Variants in GNB4 observed in about 807,000 individuals in gnomAD.
The protein encoded by GNB4 is G protein subunit beta 4.
A neutral mutation model predicts 45.2 loss-of-function variants in GNB4; 28 were observed. The ratio of observed to expected loss-of-function variants is 0.62; its 90% CI spans 0.46 to 0.85. The LOEUF (loss-of-function observed/expected upper bound fraction) is 0.85. Ranked by LOEUF, GNB4 falls within the 40% of genes least tolerant of loss-of-function variation. The pLI is 0.00. For synonymous variants in GNB4, 132 were observed against 143.7 expected, an observed-to-expected ratio of 0.92 and a Z score of 0.58; for missense variants, 321 against 425.4, an observed-to-expected ratio of 0.75 and a Z score of 2.16.
Position 179,400,819 on chromosome 3 carries a change from T to A in GNB4, c.*394A>T, listed in dbSNP as rs1397159644. The A allele has an allele frequency of 6.5e-6, 1 of 154,582 alleles. No homozygotes were observed. Among genetic ancestry groups the A allele is most frequent in the Non-Finnish European group, 1.4e-5 (1 of 69,796 alleles). 9.6% of individuals were successfully genotyped at this position (154,582 alleles called of 1,614,324 possible). Reference sequence around the variant, plus strand: ...TCTGTCTGTTTCTGTGCCTGGTTCTTCCATTACAAAACTCAAAAATATGAC... The same window carrying A: ...TCTGTCTGTTTCTGTGCCTGGTTCTACCATTACAAAACTCAAAAATATGAC... On this transcript the variant is annotated 3_prime_UTR_variant, in exon 10 of 10. Coordinates refer to ENST00000232564, the MANE Select transcript of GNB4 (RefSeq NM_021629.4).
At chr3:179,466,219 C>T in the GNB4 span, among the ~76,000 whole-genome samples, 5 of 152,012 alleles carry the variant, frequency 3.3e-5, no homozygotes, top group South Asian at 6.2e-4. Flanking sequence ...TCAAGTTGGC[C>T]GGACTGGTCT....
At chr3:179,448,320 T>C (rs1294449916) in intron 1 of GNB4, among the ~76,000 whole-genome samples, 1 of 152,216 alleles carries the variant, frequency 6.6e-6, no homozygotes, top group Non-Finnish European at 1.5e-5. Context: ...TCCCAAAATA[T>C]CAATGAATTT....
intron 1 of GNB4, among the ~76,000 whole-genome samples, chr3:179,426,730 T>C (rs1715157146): frequency 2.0e-5 from 3 of 152,094 alleles, no homozygotes; most frequent in Admixed American, 6.6e-5. Flanking sequence ...ATCGAATCCA[T>C]TTGCAAATCA....
chr3:179,516,737 T>C, the GNB4 span, among the ~76,000 whole-genome samples: 432 of 152,266 alleles, frequency 2.8e-3, no homozygotes, highest in Non-Finnish European at 4.9e-3. Flanking sequence ...CTAAGAACCA[T>C]TCGCCTTGTG....
the GNB4 span, among the ~76,000 whole-genome samples, chr3:179,472,613 A>C: frequency 2.0e-5 from 3 of 152,046 alleles, no homozygotes; most frequent in African/African-American, 7.2e-5. Flanking sequence ...ATCTGCCTGC[A>C]CCAGCCTCCC....
rs1180650616 is a variant in GNB4 at position 179,400,736 on chromosome 3, A to G, written c.*477T>C. 4 of 152,340 alleles carry G rather than the reference A, an allele frequency of 2.6e-5. No homozygotes were observed. The highest frequency in any genetic ancestry group is 6.5e-5 in the Admixed American group (1 of 15,276). 9.4% of individuals were successfully genotyped at this position (152,340 alleles called of 1,614,324 possible). A position where few individuals can be genotyped will look rare whatever the true frequency, so the allele number is the denominator to read the frequency against. On this transcript the variant is annotated 3_prime_UTR_variant, in exon 10 of 10. Coordinates refer to ENST00000232564, the MANE Select transcript of GNB4 (RefSeq NM_021629.4). ...ATCAGGATCTCTTAGATTCAAAGAG[A>G]TATCAGAATTCAAGGGGACTTTCTT...
At chr3:179,447,219 T>C (rs1356345354) in intron 1 of GNB4, among the ~76,000 whole-genome samples, 2 of 151,734 alleles carry the variant, frequency 1.3e-5, no homozygotes. Flanking sequence ...AGGCAGAAAC[T>C]AACCTGACAT....
the GNB4 span, among the ~76,000 whole-genome samples, chr3:179,460,021 T>G: frequency 1.4e-4 from 21 of 152,366 alleles, no homozygotes; most frequent in African/African-American, 3.8e-4. Context: ...GATTAGCTAC[T>G]TATTGTTCTT....
chr3:179,403,882 G>A (rs1012954492), intron 9 of GNB4, among the ~76,000 whole-genome samples: 1 of 151,872 alleles, frequency 6.6e-6, no homozygotes, highest in African/African-American at 2.4e-5. Context: ...AGTCCAGGAA[G>A]CCCATTTTCA....
chr3:179,415,110 T>A, intron 5 of GNB4, 63 bp from the exon 6 acceptor site: 1 of 1,260,556 alleles, frequency 7.9e-7, no homozygotes. Context: ...CATAAACCCA[T>A]TTACAATGAA....
chr3:179,413,204 A>G (rs1365303538), intron 8 of GNB4, among the ~76,000 whole-genome samples: 2 of 152,096 alleles, frequency 1.3e-5, no homozygotes, highest in Non-Finnish European at 2.9e-5. Context: ...CAACAAAAAA[A>G]AATCCAACAA....
At position 179,415,063 on chromosome 3, in the gene GNB4, C is replaced by G. The variant is rs201894015; in HGVS notation, c.268-16G>C. The G allele has an allele frequency of 3.5e-5, 54 of 1,535,286 alleles. No homozygotes were observed. Among genetic ancestry groups the G allele is most frequent in the Non-Finnish European group, 3.3e-5 (37 of 1,127,180 alleles). On this transcript the variant is annotated splice_polypyrimidine_tract_variant and intron_variant, in intron 5 of 9. Transcript: ENST00000232564. ...TAGCATGCATCTGTAGGGCACACAC[C>G]ACACATCACTCAGATTACAAAAACA...
intron 8 of GNB4, among the ~76,000 whole-genome samples, chr3:179,409,833 C>A (rs113171939): frequency 0.079 from 4,772 of 60,316 alleles, 244 homozygotes; most frequent in African/African-American, 0.18. Context: ...AAAAACAAAA[C>A]AAAAAAAAAA....
chr3:179,410,899 A>C (rs993315786), intron 8 of GNB4, among the ~76,000 whole-genome samples: 1 of 152,222 alleles, frequency 6.6e-6, no homozygotes, highest in Non-Finnish European at 1.5e-5. Context: ...TAAATATGAC[A>C]ATGTAGATGA....
rs1300342901 is a variant in GNB4, at chr3:179,398,239, GCACGGTGGCT to G, written c.*2964_*2973del. The G allele has an allele frequency of 6.6e-6, 1 of 152,068 alleles. No individual in the cohort carries two copies. The highest frequency in any genetic ancestry group is 1.9e-4 in the East Asian group (1 of 5,170). The allele number at this position is 152,068 out of a possible 1,614,324, so 9.4% of individuals were successfully genotyped here. A position where few individuals can be genotyped will look rare whatever the true frequency, so the allele number is the denominator to read the frequency against. The stretch of plus-strand genomic sequence containing the variant: ...AAGGTAAAGAAGGAAACCTGGCTGG[GCACGGTGGCT>G]CACGTCTGTAATCCCAGCACTTTGG... On this transcript the variant is annotated 3_prime_UTR_variant, in exon 10 of 10. Transcript: ENST00000232564.
the GNB4 span, among the ~76,000 whole-genome samples, chr3:179,519,549 G>A: frequency 7.9e-3 from 1,201 of 152,130 alleles, 22 homozygotes; most frequent in African/African-American, 0.026. Context: ...CCCAACTCTG[G>A]TGCCAACTTG....
the GNB4 span, among the ~76,000 whole-genome samples, chr3:179,520,016 G>A: frequency 1.3e-5 from 2 of 152,120 alleles, no homozygotes; most frequent in Non-Finnish European, 2.9e-5. Flanking sequence ...CAACCAAATT[G>A]TTTTTTGCCT....
At chr3:179,418,307 T>C (rs1714862519) in intron 4 of GNB4, among the ~76,000 whole-genome samples, 1 of 151,406 alleles carries the variant, frequency 6.6e-6, no homozygotes, top group South Asian at 2.1e-4. Context: ...CCCTCTCTAC[T>C]AAAAATACAA....
the GNB4 span, among the ~76,000 whole-genome samples, chr3:179,514,780 C>A: frequency 2.0e-5 from 3 of 152,172 alleles, no homozygotes; most frequent in Non-Finnish European, 2.9e-5. Flanking sequence ...CATCTTGGAG[C>A]TCCAGCTTCC....
Sources: gnomAD v4.1 joint callset for allele counts (sites outside exome capture counted in the v4.1 genomes callset) on GRCh38, gnomAD v4.1.1 for gene constraint, MANE v1.5 for transcripts, NCBI Gene and HGNC (gene_info 2026-07-23, HGNC 2026-07-21) for gene names.